The following NRG2 variants were observed in gnomAD, a reference collection of about 807,000 sequenced individuals.
The protein encoded by NRG2 is neuregulin 2, also known as pro-neuregulin-2, membrane-bound isoform.
Under a neutral mutation model 73.9 loss-of-function variants are expected in NRG2, and 27 were observed. The ratio of observed to expected loss-of-function variants is 0.37; its 90% CI spans 0.27 to 0.50. The LOEUF is 0.50. Ranked by LOEUF, NRG2 falls within the 20% of genes least tolerant of loss-of-function variation. The pLI is 0.96. For synonymous variants in NRG2, 532 were observed against 541.0 expected, an observed-to-expected ratio of 0.98 and a Z score of 0.23; for missense variants, 1,126 against 1,210.1, an observed-to-expected ratio of 0.93 and a Z score of 1.03.
intron 1 of NRG2, among the ~76,000 whole-genome samples, chr5:139,937,457 T>G (rs185111538): frequency 3.9e-5 from 6 of 152,138 alleles, no homozygotes; most frequent in Non-Finnish European, 8.8e-5. Context: ...TATCAGCCTG[T>G]GCAAAAATGT....
intron 1 of NRG2, among the ~76,000 whole-genome samples, chr5:139,907,578 T>C (rs1234963732): frequency 6.6e-6 from 1 of 152,074 alleles, no homozygotes; most frequent in Non-Finnish European, 1.5e-5. Flanking sequence ...TGAAGACAAT[T>C]CTCCTGGGGG....
At chr5:139,939,341 C>T (rs749600582) in intron 1 of NRG2, among the ~76,000 whole-genome samples, 30 of 151,454 alleles carry the variant, frequency 2.0e-4, no homozygotes, top group Non-Finnish European at 3.7e-4. Context: ...AGTGCATGAT[C>T]TCAGCTCACT....
intron 1 of NRG2, among the ~76,000 whole-genome samples, chr5:140,005,049 T>C (rs1158246128): frequency 6.6e-6 from 1 of 152,212 alleles, no homozygotes; most frequent in Admixed American, 6.5e-5. Flanking sequence ...TCCCTTGGTT[T>C]TACCTGTAAA....
intron 1 of NRG2, among the ~76,000 whole-genome samples, chr5:139,982,094 T>C (rs551567133): frequency 7.2e-5 from 11 of 152,280 alleles, no homozygotes; most frequent in African/African-American, 2.4e-4. Context: ...AGAAATTAAT[T>C]TGGTGGAAGT....
chr5:139,932,435 AT>A, intron 1 of NRG2, among the ~76,000 whole-genome samples: 1 of 152,272 alleles, frequency 6.6e-6, no homozygotes, highest in Non-Finnish European at 1.5e-5. Flanking sequence ...AAAAGCTCAA[AT>A]ACATGAGACA....
At chr5:139,862,213 T>C (rs1189019934) in intron 5 of NRG2, among the ~76,000 whole-genome samples, 3 of 152,198 alleles carry the variant, frequency 2.0e-5, no homozygotes, top group Non-Finnish European at 2.9e-5. Context: ...GGGAACCGAA[T>C]AGTAGCAGCT....
At chr5:139,956,738 T>G (rs182016914) in intron 1 of NRG2, among the ~76,000 whole-genome samples, 5 of 152,232 alleles carry the variant, frequency 3.3e-5, no homozygotes, top group Middle Eastern at 3.4e-3. Flanking sequence ...ACAGGCAGGA[T>G]GTGGAAATTC....
At chr5:139,922,971 A>C (rs955447936) in intron 1 of NRG2, among the ~76,000 whole-genome samples, 5 of 152,210 alleles carry the variant, frequency 3.3e-5, no homozygotes, top group African/African-American at 4.8e-5. Context: ...GAAGAGGTGA[A>C]GCACAGCGGA....
At chr5:139,900,680 T>C (rs1764823778) in intron 1 of NRG2, among the ~76,000 whole-genome samples, 1 of 152,190 alleles carries the variant, frequency 6.6e-6, no homozygotes, top group Non-Finnish European at 1.5e-5. Flanking sequence ...GGAGGGCTAG[T>C]GGAGTAAGTG....
chr5:140,035,608 C>T (rs1039012937), intron 1 of NRG2, among the ~76,000 whole-genome samples: 4 of 152,178 alleles, frequency 2.6e-5, no homozygotes, highest in African/African-American at 9.7e-5. Context: ...TTCATGATGT[C>T]CTGACTTTTG....
intron 1 of NRG2, among the ~76,000 whole-genome samples, chr5:139,951,964 G>T (rs1187441256): frequency 1.3e-5 from 2 of 152,218 alleles, no homozygotes; most frequent in African/African-American, 4.8e-5. Context: ...CAGGAAGAAA[G>T]CATGGCATAA....
intron 1 of NRG2, among the ~76,000 whole-genome samples, chr5:139,888,139 C>CACACACACACACACA (rs1763991345): frequency 6.6e-6 from 1 of 152,076 alleles, no homozygotes; most frequent in African/African-American, 2.4e-5. Context: ...CACACACACA[C>CACACACACACACACA]CCTGAAAGAG....
At chr5:139,859,326 T>A (rs903546256) in intron 5 of NRG2, among the ~76,000 whole-genome samples, 1 of 152,088 alleles carries the variant, frequency 6.6e-6, no homozygotes, top group African/African-American at 2.4e-5. Context: ...CTCAAGCAGA[T>A]GGCAAAGCCA....
intron 5 of NRG2, chr5:139,861,686 T>G: frequency 2.0e-6 from 1 of 508,724 alleles, no homozygotes. Flanking sequence ...GTAAGTACAG[T>G]TTGTCCACTC....
At chr5:139,895,795 T>C (rs933570422) in intron 1 of NRG2, among the ~76,000 whole-genome samples, 5 of 152,240 alleles carry the variant, frequency 3.3e-5, no homozygotes, top group East Asian at 3.8e-4. Context: ...AAAGCAGAGA[T>C]GGCAGTTCTG....
intron 1 of NRG2, among the ~76,000 whole-genome samples, chr5:139,936,035 C>T (rs1187847347): frequency 6.7e-6 from 1 of 149,942 alleles, no homozygotes; most frequent in Admixed American, 6.6e-5. Flanking sequence ...GCTTAAGCAT[C>T]ACTTAGAGGG....
chr5:139,993,715 A>G (rs887146437), intron 1 of NRG2, among the ~76,000 whole-genome samples: 1 of 152,232 alleles, frequency 6.6e-6, no homozygotes, highest in African/African-American at 2.4e-5. Flanking sequence ...TAGGTCCTCA[A>G]TAAAGATTTG....
At chr5:140,028,833 T>C (rs1760905628) in intron 1 of NRG2, among the ~76,000 whole-genome samples, 1 of 152,130 alleles carries the variant, frequency 6.6e-6, no homozygotes, top group Admixed American at 6.6e-5. Flanking sequence ...TGTGATGCTA[T>C]GTGACTTCTG....
chr5:139,901,092 T>A (rs1449847375), intron 1 of NRG2, among the ~76,000 whole-genome samples: 1 of 152,208 alleles, frequency 6.6e-6, no homozygotes, highest in East Asian at 1.9e-4. Context: ...CCAGACCTAC[T>A]GGCCATCCGA....
Sources: gnomAD v4.1 joint callset for allele counts (sites outside exome capture counted in the v4.1 genomes callset) on GRCh38, gnomAD v4.1.1 for gene constraint, MANE v1.5 for transcripts, NCBI Gene and HGNC (gene_info 2026-07-23, HGNC 2026-07-21) for gene names.